NR2E3: variants seen among roughly 807,000 people sequenced by gnomAD.
NR2E3 encodes nuclear receptor subfamily 2 group E member 3.
In NR2E3, 38 loss-of-function variants were observed where a neutral mutation model predicts 37.6. The observed-to-expected ratio is 1.01, with a 90% CI of 0.78 to 1.33. The LOEUF is 1.33. Ranked by LOEUF, NR2E3 falls within the 40% of genes most tolerant of loss-of-function variation. NR2E3 has a pLI of 0.00. For synonymous variants in NR2E3, 235 were observed against 225.1 expected (o/e 1.04, Z -0.39); for missense variants, 562 against 558.7 (o/e 1.01, Z -0.06).
In NR2E3 at chr15:71,813,269, C is replaced by A; in HGVS notation, c.748-120C>A. 7.3e-7 allele frequency: 1 copy of A among 1,367,610 alleles called. No individual in the cohort carries two copies. Among genetic ancestry groups the A allele is most frequent in the Non-Finnish European group, 1.0e-6 (1 of 1,001,814 alleles). The allele number at this position is 1,367,610 out of a possible 1,614,324, so 84.7% of individuals were successfully genotyped here. On this transcript the variant is annotated intron_variant, in intron 5 of 7. Transcript: ENST00000617575. This position sits in a 1 kb window ranked among gnomAD's most constrained non-coding sequence, Gnocchi z 4.7. ...GAGCCTCTGGCTGATGTCAGGAGAG[C>A]ATTCTCGGGTCCCAGGACAGCACTT... is the stretch of plus-strand genomic sequence containing the variant.
At chr15:71,816,133 C>G (rs2140293541) in intron 7 of NR2E3, among the ~76,000 whole-genome samples, 1 of 152,288 alleles carries the variant, frequency 6.6e-6, no homozygotes, top group South Asian at 2.1e-4. Flanking sequence ...TGTGGAGTAG[C>G]CTCCTTGATG....
rs2140288974 is a variant in NR2E3, at chr15:71,811,704, C to T, written c.246-62C>T. On this transcript the variant is annotated intron_variant, in intron 2 of 7. Coordinates refer to ENST00000617575, the MANE Select transcript of NR2E3 (RefSeq NM_014249.4). The surrounding 1 kb of genome is among the most constrained non-coding windows in gnomAD (Gnocchi z 5.6). ...GAAGAGGGGCTTGGGCAAAAATGTCCAAGCCCATGGCTCAGGGCATGGGAG... is the reference window on the plus strand; with the variant it reads ...GAAGAGGGGCTTGGGCAAAAATGTCTAAGCCCATGGCTCAGGGCATGGGAG... 1.3e-6 allele frequency: 2 copies of T among 1,549,578 alleles called. No homozygotes were observed. The highest frequency in any genetic ancestry group is 1.7e-6 in the Non-Finnish European group (2 of 1,144,478).
In NR2E3 at chr15:71,813,767, G is replaced by A. The variant is rs2054206163; in HGVS notation, c.994+132G>A. Reference sequence around the variant, plus strand: ...TCCTGGGGGGTGGGAGGAGAGTGGTGAGGCTGGACTCCCTTCTCCTTGGGG... The same window carrying A: ...TCCTGGGGGGTGGGAGGAGAGTGGTAAGGCTGGACTCCCTTCTCCTTGGGG... On this transcript the variant is annotated intron_variant, in intron 6 of 7. Coordinates refer to ENST00000617575, the MANE Select transcript of NR2E3 (RefSeq NM_014249.4). The surrounding 1 kb of genome is among the most constrained non-coding windows in gnomAD (Gnocchi z 4.7). 3 of 1,488,064 alleles carry A rather than the reference G, an allele frequency of 2.0e-6. No homozygotes were observed. The highest frequency in any genetic ancestry group is 3.7e-5 in the Admixed American group (2 of 54,376). The allele number at this position is 1,488,064 out of a possible 1,614,324, so 92.2% of individuals were successfully genotyped here.
chr15:71,811,450 TGCCCTGGCCCA>T lies in NR2E3; in HGVS notation c.119-26_119-16del, dbSNP rs1252003533. On this transcript the variant is annotated intron_variant, in intron 1 of 7. Coordinates refer to ENST00000617575, the MANE Select transcript of NR2E3 (RefSeq NM_014249.4). The surrounding 1 kb of genome is among the most constrained non-coding windows in gnomAD (Gnocchi z 5.6). ...GTGCAGCCCTGCCCCGGCCCAGCCC[TGCCCTGGCCCA>T]GCCCTGCCCCCTGCCCCTCAGGCGT... 2.7e-6 allele frequency: 4 copies of T among 1,487,314 alleles called. No individual in the cohort carries two copies. Among genetic ancestry groups the T allele is most frequent in the African/African-American group, 3.5e-5 (2 of 57,348 alleles). The allele number at this position is 1,487,314 out of a possible 1,614,324, so 92.1% of individuals were successfully genotyped here.
rs779984294 is a variant in NR2E3 at position 71,812,287 on chromosome 15, C to A, written c.572-49C>A. 1.9e-6 allele frequency: 3 copies of A among 1,612,698 alleles called. No individual in the cohort carries two copies. In the South Asian group the frequency reaches 3.3e-5, roughly 18 times the overall value. ...CCCCCGGGGCTCCAAGTACTCCCTG[C>A]CACCTCCCGAGAAGCAGGCGCTAAG... On this transcript the variant is annotated intron_variant, in intron 4 of 7. Transcript: ENST00000617575.
chr15:71,815,975 G>A (rs1483881000), intron 7 of NR2E3, among the ~76,000 whole-genome samples: 1 of 152,158 alleles, frequency 6.6e-6, no homozygotes, highest in Non-Finnish European at 1.5e-5. Flanking sequence ...AGGCAGATGG[G>A]AGGGGTATAC....
chr15:71,812,601 C>A (rs72744698), intron 5 of NR2E3, 90 bp downstream of exon 5: 3 of 1,139,148 alleles, frequency 2.6e-6, no homozygotes, highest in Middle Eastern at 2.3e-4. Flanking sequence ...CACATCCCCA[C>A]GCCAGTATGA....
chr15:71,814,455 G>A (rs1160279694), intron 7 of NR2E3: 4 of 1,083,428 alleles, frequency 3.7e-6, no homozygotes, highest in Non-Finnish European at 4.5e-6. Flanking sequence ...GGACTTTGTG[G>A]AGACAGGGCT....
In NR2E3 at chr15:71,813,888, G is replaced by A; in HGVS notation, c.995-124G>A. 1 of 1,528,806 alleles carries A rather than the reference G, an allele frequency of 6.5e-7. No homozygotes were observed. The allele number at this position is 1,528,806 out of a possible 1,614,324, so 94.7% of individuals were successfully genotyped here. On this transcript the variant is annotated intron_variant, in intron 6 of 7. Coordinates refer to ENST00000617575, the MANE Select transcript of NR2E3 (RefSeq NM_014249.4). This position sits in a 1 kb window ranked among gnomAD's most constrained non-coding sequence, Gnocchi z 4.7. ...GCCCCTGGTGGCTCCTCTGGGCCTG[G>A]CAGAGCCCACCCCACAGGGCCCCAG...
chr15:71,817,575 TC>T lies in NR2E3; in HGVS notation c.1127del (p.Pro376ArgfsTer3), dbSNP rs1356715958. ...AGGTTTGGGAAATTGCTCCTGCTCC[TC>T]CCGTCTTTGAGGTTTATCACTGCGG... ...PVRFGKLLLLLPSLRFITAER... is the reference protein window; with the variant it reads ...PVRFGKLLLLXPSLRFITAER... On this transcript the variant is annotated frameshift_variant, in exon 8 of 8. Transcript: ENST00000617575. LOFTEE classifies it high-confidence loss of function. The T allele has an allele frequency of 6.3e-7, 1 of 1,599,820 alleles. No homozygotes were observed. The highest frequency in any genetic ancestry group is 1.3e-5 in the African/African-American group (1 of 74,770).
Position 71,813,631 on chromosome 15 carries a change from G to C in NR2E3, c.990G>C (p.Lys330Asn), listed in dbSNP as rs771529925. The change falls in exon 6 of 8, where the codon AAG becomes AAC. Residue 330 changes from lysine to asparagine, a missense_variant. By Grantham distance (94) the Lys-to-Asn change is moderately conservative. Coordinates refer to ENST00000617575, the MANE Select transcript of NR2E3 (RefSeq NM_014249.4). The surrounding 1 kb of genome is among the most constrained non-coding windows in gnomAD (Gnocchi z 4.7). ...GCATGAAGGCCTTGGTCCTCTTCAAGCCAGGTAACTGAGTCTCTGCCCAAA... is the reference window on the plus strand; with the variant it reads ...GCATGAAGGCCTTGGTCCTCTTCAACCCAGGTAACTGAGTCTCTGCCCAAA... ...FACMKALVLF[K>N]PETRGLKDPE... 6.2e-7 allele frequency: 1 copy of C among 1,613,708 alleles called. No homozygotes were observed.
intron 7 of NR2E3, 56 bp from the exon 8 acceptor site, chr15:71,817,496 G>A (rs1567161849): frequency 6.5e-7 from 1 of 1,534,444 alleles, no homozygotes; most frequent in East Asian, 2.3e-5. Flanking sequence ...CACCGCCCCA[G>A]GGACTAGTGC....
In NR2E3 at chr15:71,811,999, C is replaced by G. The variant is rs1484054223; in HGVS notation, c.394C>G (p.Leu132Val). ...GCCGCGAAGCACAGCCCAGGTCCAC[C>G]TGGACAGCATGGAGTCCAACACTGA... is the stretch of plus-strand genomic sequence containing the variant. ...RQPRSTAQVHLDSMESNTESR... is the reference protein window; with the variant it reads ...RQPRSTAQVHVDSMESNTESR... The change falls in exon 4 of 8, where the codon CTG becomes GTG. Residue 132 changes from leucine (L) to valine (V), a missense_variant. Leu to Val is a conservative substitution (Grantham distance 32). Transcript: ENST00000617575. This position sits in a 1 kb window ranked among gnomAD's most constrained non-coding sequence, Gnocchi z 5.6. 1 of 1,554,838 alleles carries G rather than the reference C, an allele frequency of 6.4e-7. No individual in the cohort carries two copies. Among genetic ancestry groups the G allele is most frequent in the African/African-American group, 1.4e-5 (1 of 73,194 alleles).
In NR2E3 at chr15:71,818,229, T is replaced by TA. The variant is rs369467965; in HGVS notation, c.*557dup. ...ATTTTGTTAGACCTCAATAAAAAAGTAAAAAAAAAAAACAAAAAAAACCAG... is the reference window on the plus strand; with the variant it reads ...ATTTTGTTAGACCTCAATAAAAAAGTAAAAAAAAAAAAACAAAAAAAACCAG... On this transcript the variant is annotated 3_prime_UTR_variant, in exon 8 of 8. Coordinates refer to ENST00000617575, the MANE Select transcript of NR2E3 (RefSeq NM_014249.4). The TA allele has an allele frequency of 0.075, 9,686 of 128,658 alleles. 382 individuals carry two copies. The highest frequency in any genetic ancestry group is 0.1 in the Non-Finnish European group (6,115 of 59,014). 8.0% of individuals were successfully genotyped at this position (128,658 alleles called of 1,614,324 possible).
In NR2E3 at chr15:71,813,631, G is replaced by A. The variant is rs771529925; in HGVS notation, c.990G>A (p.Lys330=). ...GCATGAAGGCCTTGGTCCTCTTCAAGCCAGGTAACTGAGTCTCTGCCCAAA... is the reference window on the plus strand; with the variant it reads ...GCATGAAGGCCTTGGTCCTCTTCAAACCAGGTAACTGAGTCTCTGCCCAAA... ...FACMKALVLF[K]PETRGLKDPE... is the part of the protein sequence containing the mutation. The change falls in exon 6 of 8, where the codon AAG becomes AAA. Residue 330 remains lysine (K), a synonymous_variant. Coordinates refer to ENST00000617575, the MANE Select transcript of NR2E3 (RefSeq NM_014249.4). The surrounding 1 kb of genome is among the most constrained non-coding windows in gnomAD (Gnocchi z 4.7). 1.2e-6 allele frequency: 2 copies of A among 1,613,708 alleles called. No individual in the cohort carries two copies. Among genetic ancestry groups the A allele is most frequent in the South Asian group, 1.1e-5 (1 of 91,088 alleles).
intron 7 of NR2E3, among the ~76,000 whole-genome samples, chr15:71,815,167 A>T (rs2054217398): frequency 6.6e-6 from 1 of 152,140 alleles, no homozygotes; most frequent in Non-Finnish European, 1.5e-5. Context: ...GATGTCATGG[A>T]GCCTCAGCAA....
At chr15:71,817,121 C>T (rs1208082521) in intron 7 of NR2E3, among the ~76,000 whole-genome samples, 6 of 134,360 alleles carry the variant, frequency 4.5e-5, no homozygotes, top group African/African-American at 5.9e-5. Flanking sequence ...TTTTTTGAGA[C>T]GGAGTCTTGC....
intron 7 of NR2E3, 98 bp from the exon 8 acceptor site, chr15:71,817,454 C>T (rs1277908268): frequency 2.8e-6 from 4 of 1,453,346 alleles, no homozygotes; most frequent in African/African-American, 1.4e-5. Context: ...CTCATCTCTC[C>T]TCTCCTTCCT....
In NR2E3 at chr15:71,811,582, G is replaced by A. The variant is rs1567159727; in HGVS notation, c.218G>A (p.Arg73Lys). 1 of 1,604,642 alleles carries A rather than the reference G, an allele frequency of 6.2e-7. No individual in the cohort carries two copies. Among genetic ancestry groups the A allele is most frequent in the Non-Finnish European group, 8.5e-7 (1 of 1,176,178 alleles). ...AACGGCTGCAGCGGCTTCTTCAAGA[G>A]GAGCGTACGGCGGAGGCTCATCTAC... ...ACNGCSGFFK[R>K]SVRRRLIYRC... Residue 73 changes from arginine to lysine, a missense_variant, in exon 2 of 8, where the codon AGG (arginine) becomes AAG (lysine). By Grantham distance (26) the Arg-to-Lys change is conservative (BLOSUM62 2). Transcript: ENST00000617575. This position sits in a 1 kb window ranked among gnomAD's most constrained non-coding sequence, Gnocchi z 5.6.
Sources: allele counts gnomAD v4.1 joint callset (sites outside exome capture counted in the v4.1 genomes callset), GRCh38; gene constraint gnomAD v4.1.1; non-coding constraint Gnocchi (gnomAD v3.1); transcripts MANE v1.5; gene names NCBI Gene and HGNC (gene_info 2026-07-23, HGNC 2026-07-21).